The following SPAG17 variants were observed in gnomAD, a reference collection of about 807,000 sequenced individuals.
The protein encoded by SPAG17 is sperm-associated antigen 17.
SPAG17 carries 169 observed loss-of-function variants against 273.6 expected under a neutral mutation model. The ratio of observed to expected loss-of-function variants is 0.62; its 90% CI spans 0.55 to 0.70. The LOEUF is 0.70. Ranked by LOEUF, SPAG17 falls within the 30% of genes least tolerant of loss-of-function variation. SPAG17 has a pLI of 0.00. For synonymous variants in SPAG17, 825 were observed against 873.2 expected, an observed-to-expected ratio of 0.94 and a Z score of 0.97; for missense variants, 2,557 against 2,627.8, an observed-to-expected ratio of 0.97 and a Z score of 0.59.
chr1:118,007,003 A>C (rs1313216496), intron 31 of SPAG17, among the ~76,000 whole-genome samples: 1 of 151,994 alleles, frequency 6.6e-6, no homozygotes, highest in Non-Finnish European at 1.5e-5. Context: ...TACTCTGTAC[A>C]TGAGACCATT....
intron 15 of SPAG17, among the ~76,000 whole-genome samples, chr1:118,074,909 A>T (rs1396228387): frequency 6.6e-6 from 1 of 152,250 alleles, no homozygotes; most frequent in East Asian, 1.9e-4. Flanking sequence ...TATCTTTAAA[A>T]GTTGTAATTA....
At chr1:118,060,684 C>T (rs750254068) in intron 18 of SPAG17, among the ~76,000 whole-genome samples, 1 of 152,078 alleles carries the variant, frequency 6.6e-6, no homozygotes, top group African/African-American at 2.4e-5. Flanking sequence ...TGACAACTCC[C>T]TTTGAGTATT....
At chr1:117,994,667 C>G (rs184852537) in intron 34 of SPAG17, 137 bp from the exon 35 acceptor site, 2 of 820,274 alleles carry the variant, frequency 2.4e-6, no homozygotes, top group Admixed American at 6.6e-5. Flanking sequence ...AATGACTATA[C>G]TTAGGAACCT....
intron 3 of SPAG17, among the ~76,000 whole-genome samples, chr1:118,135,864 A>C (rs1326919200): frequency 6.6e-6 from 1 of 152,178 alleles, no homozygotes; most frequent in Non-Finnish European, 1.5e-5. Context: ...AAGCAGGTTA[A>C]AGTTAATTGT....
At chr1:118,134,781 A>AT (rs1352633803) in intron 3 of SPAG17, among the ~76,000 whole-genome samples, 3 of 152,098 alleles carry the variant, frequency 2.0e-5, no homozygotes, top group African/African-American at 7.2e-5. Flanking sequence ...CAGAGATACC[A>AT]TCTAGAGTTC....
At chr1:118,029,175 A>T (rs755223345) in intron 25 of SPAG17, among the ~76,000 whole-genome samples, 1 of 152,140 alleles carries the variant, frequency 6.6e-6, no homozygotes, top group Non-Finnish European at 1.5e-5. Context: ...GCTTGAGCCC[A>T]GGAGTTTGAG....
rs758974572 is a variant in SPAG17, at chr1:118,085,959, TA to T, written c.1724del (p.Leu575GlnfsTer16). ...LPPPWNNTKR[L>X]ATIHELMHFC... is the part of the protein sequence containing the mutation. ...AGTGCATAAGCTCATGAATTGTAGC[TA>T]GACGTTTAGTGTTGTTCCATGGTGG... On this transcript the variant is annotated frameshift_variant, in exon 13 of 49. Transcript: ENST00000336338. LOFTEE classifies it high-confidence loss of function. The T allele has an allele frequency of 6.2e-7, 1 of 1,612,228 alleles. No individual in the cohort carries two copies. Among genetic ancestry groups the T allele is most frequent in the Admixed American group, 1.7e-5 (1 of 59,544 alleles).
chr1:118,051,155 C>A (rs1255886292), intron 20 of SPAG17, among the ~76,000 whole-genome samples: 2 of 152,012 alleles, frequency 1.3e-5, no homozygotes, highest in Non-Finnish European at 2.9e-5. Context: ...CCTGGCATAA[C>A]TAATCAGCAG....
intron 43 of SPAG17, among the ~76,000 whole-genome samples, chr1:117,976,616 C>T (rs1288574651): frequency 6.6e-6 from 1 of 152,180 alleles, no homozygotes; most frequent in Non-Finnish European, 1.5e-5. Context: ...GCTTGCCTGA[C>T]GTGGTGGCTC....
intron 32 of SPAG17, among the ~76,000 whole-genome samples, chr1:118,004,778 C>A (rs149135002): frequency 6.6e-6 from 1 of 152,222 alleles, no homozygotes; most frequent in African/African-American, 2.4e-5. Flanking sequence ...CCAGGTGAGG[C>A]GGATGCCCTG....
At chr1:118,083,569 G>A (rs1158345847) in intron 13 of SPAG17, among the ~76,000 whole-genome samples, 1 of 151,992 alleles carries the variant, frequency 6.6e-6, no homozygotes, top group East Asian at 1.9e-4. Context: ...GGTATATCAC[G>A]AGGTCAGGAG....
intron 1 of SPAG17, among the ~76,000 whole-genome samples, chr1:118,184,602 G>T (rs146894000): frequency 6.6e-6 from 1 of 152,078 alleles, no homozygotes; most frequent in African/African-American, 2.4e-5. Flanking sequence ...TACAAGGCTC[G>T]CTTGTACTAA....
At chr1:118,091,792 A>C in intron 9 of SPAG17, 74 bp from the exon 10 acceptor site, 1 of 1,342,486 alleles carries the variant, frequency 7.4e-7, no homozygotes, top group Non-Finnish European at 1.1e-6. Context: ...TTCATGCATA[A>C]TTTCAAACTA....
In SPAG17 at chr1:118,066,826, A is replaced by G. The variant is rs1385096961; in HGVS notation, c.2459T>C (p.Leu820Ser). Residue 820 changes from leucine (L) to serine (S), a missense_variant, in exon 18 of 49, where the codon TTA becomes TCA. Leu to Ser is a moderately radical substitution (Grantham distance 145). Coordinates refer to ENST00000336338, the MANE Select transcript of SPAG17 (RefSeq NM_206996.4). ...TCTATTCATTGGATTGTGAAAGACTAAAAGTAAAGAGTTGTCTTGGGTGTG... is the reference window on the plus strand; with the variant it reads ...TCTATTCATTGGATTGTGAAAGACTGAAAGTAAAGAGTTGTCTTGGGTGTG... ...YYHTQDNSLL[L>S]VFHNPMNRQR... 4 of 1,613,804 alleles carry G rather than the reference A, an allele frequency of 2.5e-6. No homozygotes were observed. The highest frequency in any genetic ancestry group is 2.7e-5 in the African/African-American group (2 of 74,920).
At position 118,036,352 on chromosome 1, in the gene SPAG17, G is replaced by A. The variant is rs76066424; in HGVS notation, c.3433+418C>T. ...ACAGGATTCACAAAGAAAACCAAGA[G>A]GATTCCTTGGCAATTTATGCTTTCT... is the stretch of plus-strand genomic sequence containing the variant. On this transcript the variant is annotated intron_variant, in intron 24 of 48. Coordinates refer to ENST00000336338, the MANE Select transcript of SPAG17 (RefSeq NM_206996.4). Among the ~76,000 whole-genome samples, 708 of 152,002 alleles carry A rather than the reference G, an allele frequency of 4.7e-3. 5 individuals carry two copies. The highest frequency in any genetic ancestry group is 0.016 in the African/African-American group (675 of 41,434).
intron 3 of SPAG17, among the ~76,000 whole-genome samples, chr1:118,127,822 G>C (rs1049127485): frequency 4.6e-5 from 7 of 152,064 alleles, no homozygotes; most frequent in African/African-American, 1.7e-4. Context: ...TCATCTTCTT[G>C]GTTAAATTGA....
At position 118,086,070 on chromosome 1, in the gene SPAG17, G is replaced by A; in HGVS notation, c.1614C>T (p.Asp538=). 1 of 1,612,940 alleles carries A rather than the reference G, an allele frequency of 6.2e-7. No individual in the cohort carries two copies. The highest frequency in any genetic ancestry group is 1.1e-5 in the South Asian group (1 of 90,814). The change falls in exon 13 of 49, where the codon GAC becomes GAT. Residue 538 remains aspartate (D), a splice_region_variant and synonymous_variant. Coordinates refer to ENST00000336338, the MANE Select transcript of SPAG17 (RefSeq NM_206996.4). ...TTTGAACTGGATCAAAATTCTTTTG[G>A]TCCTGATGAAAAAGAGCAACATGAC... ...AHAHKKYALQ[D]QKNFDPVQIE...
chr1:118,163,505 T>A (rs915681376), intron 1 of SPAG17, among the ~76,000 whole-genome samples: 5 of 152,010 alleles, frequency 3.3e-5, no homozygotes, highest in African/African-American at 9.7e-5. Context: ...TTACTCCTTT[T>A]TGTTGGGCTG....
Position 118,085,972 on chromosome 1 carries a change from T to C in SPAG17, c.1712A>G (p.Asn571Ser). Residue 571 changes from asparagine to serine, a missense_variant, in exon 13 of 49, where the codon AAC becomes AGC. Physicochemically the swap from Asn to Ser is conservative, Grantham distance 46. Transcript: ENST00000336338. ...LQFPLPPPWNNTKRLATIHEL... is the reference protein window; with the variant it reads ...LQFPLPPPWNSTKRLATIHEL... ...ATGAATTGTAGCTAGACGTTTAGTG[T>C]TGTTCCATGGTGGGGGTAGAGGGAA... 1 of 1,613,482 alleles carries C rather than the reference T, an allele frequency of 6.2e-7. No homozygotes were observed. Among genetic ancestry groups the C allele is most frequent in the Non-Finnish European group, 8.5e-7 (1 of 1,179,786 alleles).
Sources: allele counts gnomAD v4.1 joint callset (sites outside exome capture counted in the v4.1 genomes callset), GRCh38; gene constraint gnomAD v4.1.1; transcripts MANE v1.5; gene names NCBI Gene and HGNC (gene_info 2026-07-23, HGNC 2026-07-21).